ICMT: variants seen among roughly 807,000 people sequenced by gnomAD.
The protein encoded by ICMT is protein-S-isoprenylcysteine O-methyltransferase.
In ICMT, 10 loss-of-function variants were observed where a neutral mutation model predicts 32.2. That is an observed-to-expected ratio of 0.31 (90% confidence interval 0.19 to 0.53). ICMT has a LOEUF of 0.53. Ranked by LOEUF, ICMT falls within the 20% of genes least tolerant of loss-of-function variation. ICMT has a pLI of 0.96. For missense variants in ICMT, 265 were observed against 356.9 expected (o/e 0.74, Z 2.07); for synonymous variants, 183 against 158.2 (o/e 1.16, Z -1.18).
chr1:6,224,775 G>A lies in ICMT; in HGVS notation c.*305C>T, dbSNP rs1668617535. The A allele has an allele frequency of 3.2e-6, 1 of 310,100 alleles. No homozygotes were observed. Among genetic ancestry groups the A allele is most frequent in the Non-Finnish European group, 5.9e-6 (1 of 169,990 alleles). 19.2% of individuals were successfully genotyped at this position (310,100 alleles called of 1,614,324 possible). ...TCCTTTACTTACACTCTGGCCTCGG[G>A]GGCAGTGGCGTGTGGCCTCGGTCCT... On this transcript the variant is annotated 3_prime_UTR_variant, in exon 5 of 5. Coordinates refer to ENST00000343813, the MANE Select transcript of ICMT (RefSeq NM_012405.4).
chr1:6,224,912 C>G lies in ICMT; in HGVS notation c.*168G>C, dbSNP rs980529161. On this transcript the variant is annotated 3_prime_UTR_variant, in exon 5 of 5. Coordinates refer to ENST00000343813, the MANE Select transcript of ICMT (RefSeq NM_012405.4). ...ATAAGGACAGACTGCTCCAGTGGGG[C>G]CTTGGGTCCTCAGGCCTTCTGACCG... 3.0e-6 allele frequency: 2 copies of G among 674,740 alleles called. No individual in the cohort carries two copies. The highest frequency in any genetic ancestry group is 3.6e-5 in the African/African-American group (2 of 55,660). 41.8% of individuals were successfully genotyped at this position (674,740 alleles called of 1,614,324 possible).
chr1:6,234,585 T>C, intron 2 of ICMT: 2 of 499,392 alleles, frequency 4.0e-6, no homozygotes, highest in Non-Finnish European at 7.6e-6. Flanking sequence ...ACCGAGGACC[T>C]GCACCCCTTC....
chr1:6,232,647 C>G (rs1282557638), intron 3 of ICMT, among the ~76,000 whole-genome samples: 1 of 152,134 alleles, frequency 6.6e-6, no homozygotes, highest in Non-Finnish European at 1.5e-5. Context: ...CTCCTGGGTT[C>G]AAGCAATTCT....
chr1:6,221,283 C>T lies in ICMT; in HGVS notation c.*3797G>A, dbSNP rs1461714893. ...ATCCAATTTAGAATATTTAAATAAA[C>T]ATTTATGTAAAAAGAAGAGTAGAAT... On this transcript the variant is annotated 3_prime_UTR_variant, in exon 5 of 5. Transcript: ENST00000343813. The T allele has an allele frequency of 3.9e-5, 6 of 152,612 alleles. No individual in the cohort carries two copies. The highest frequency in any genetic ancestry group is 4.4e-5 in the Non-Finnish European group (3 of 68,032). The allele number at this position is 152,612 out of a possible 1,614,324, so 9.5% of individuals were successfully genotyped here. A position where few individuals can be genotyped will look rare whatever the true frequency, so the allele number is the denominator to read the frequency against.
intron 3 of ICMT, among the ~76,000 whole-genome samples, chr1:6,232,387 T>C (rs1668750883): frequency 6.6e-6 from 1 of 152,180 alleles, no homozygotes; most frequent in Non-Finnish European, 1.5e-5. Context: ...ATGGGCTCTC[T>C]GGTTCACGAC....
At chr1:6,234,559 C>T in intron 2 of ICMT, 1 of 481,222 alleles carries the variant, frequency 2.1e-6, no homozygotes, top group Non-Finnish European at 4.0e-6. Flanking sequence ...AAGCCAGAGC[C>T]CTGCCCCTGC....
At chr1:6,232,736 C>T (rs1322759018) in intron 3 of ICMT, among the ~76,000 whole-genome samples, 11 of 152,012 alleles carry the variant, frequency 7.2e-5, no homozygotes, top group Admixed American at 3.3e-4. Flanking sequence ...TTCGTAGAGA[C>T]GGGGTTTTAC....
At chr1:6,234,435 A>G (rs774717563) in intron 2 of ICMT, 1 of 488,648 alleles carries the variant, frequency 2.0e-6, no homozygotes. Context: ...TCCAGGTCAG[A>G]CTAGAAGGCT....
intron 4 of ICMT, among the ~76,000 whole-genome samples, chr1:6,229,232 G>T (rs553238006): frequency 1.3e-5 from 2 of 152,072 alleles, no homozygotes; most frequent in Non-Finnish European, 2.9e-5. Context: ...TAATCCCAAC[G>T]CTTTGGGAGG....
intron 3 of ICMT, 118 bp from the exon 4 acceptor site, chr1:6,232,237 G>A: frequency 1.5e-6 from 1 of 666,448 alleles, no homozygotes. Context: ...TGTGCTGCTG[G>A]GCAATCAGCA....
chr1:6,235,115 T>C, intron 1 of ICMT, 141 bp from the exon 2 acceptor site: 1 of 648,250 alleles, frequency 1.5e-6, no homozygotes, highest in South Asian at 1.8e-5. Context: ...GTGGGCGACC[T>C]GGGTTCAAAT....
Position 6,231,919 on chromosome 1 carries a change from A to G in ICMT, c.655T>C (p.Trp219Arg), listed in dbSNP as rs1428383895. ...TATTATACCTGAGTTCCAATACTCCAGTAAAACCACCCGACGTAAGAAGGA... is the reference window on the plus strand; with the variant it reads ...TATTATACCTGAGTTCCAATACTCCGGTAAAACCACCCGACGTAAGAAGGA... ...RHPSYVGWFY[W>R]SIGTQVMLCN... The change falls in exon 4 of 5, where the codon TGG becomes CGG. Residue 219 changes from tryptophan to arginine, a missense_variant. Transcript: ENST00000343813. 6.3e-7 allele frequency: 1 copy of G among 1,589,076 alleles called. No homozygotes were observed. Among genetic ancestry groups the G allele is most frequent in the Admixed American group, 1.7e-5 (1 of 58,988 alleles).
chr1:6,226,922 C>G (rs368932290), intron 4 of ICMT, among the ~76,000 whole-genome samples: 2 of 152,168 alleles, frequency 1.3e-5, no homozygotes, highest in Non-Finnish European at 2.9e-5. Context: ...CAGTGAATGT[C>G]AGAATCAGGA....
intron 4 of ICMT, among the ~76,000 whole-genome samples, chr1:6,230,767 T>C (rs887807487): frequency 2.6e-5 from 4 of 151,378 alleles, no homozygotes; most frequent in Non-Finnish European, 4.4e-5. Flanking sequence ...CGGGCGCCTG[T>C]AGTCCCAGCT....
chr1:6,234,936 G>A lies in ICMT; in HGVS notation c.234C>T (p.Gly78=). 1 of 1,614,040 alleles carries A rather than the reference G, an allele frequency of 6.2e-7. No homozygotes were observed. ...IRACFLGFVF[G]CGTLLSFSQS... ...GGCTAAAACTTAGCAGCGTGCCGCA[G>A]CCGAACACAAACCCCAGGAAACAAG... The change falls in exon 2 of 5, where the codon GGC becomes GGT. Residue 78 remains glycine, a synonymous_variant. Coordinates refer to ENST00000343813, the MANE Select transcript of ICMT (RefSeq NM_012405.4).
Position 6,235,701 on chromosome 1 carries a change from C to G in ICMT, c.195+16G>C. On this transcript the variant is annotated intron_variant, in intron 1 of 4. Transcript: ENST00000343813. ...GCCCGCCCCGCCGGCCCCCGCCGGC[C>G]CCCGCCGGCCTGCACCTGGTAGCGA... 1 of 1,184,288 alleles carries G rather than the reference C, an allele frequency of 8.4e-7. No individual in the cohort carries two copies. Among genetic ancestry groups the G allele is most frequent in the African/African-American group, 1.6e-5 (1 of 61,608 alleles). 73.4% of individuals were successfully genotyped at this position (1,184,288 alleles called of 1,614,324 possible). A position where few individuals can be genotyped will look rare whatever the true frequency, so the allele number is the denominator to read the frequency against.
chr1:6,225,160 A>G lies in ICMT; in HGVS notation c.775T>C (p.Phe259Leu). The G allele has an allele frequency of 4.3e-6, 7 of 1,614,130 alleles. No individual in the cohort carries two copies. The highest frequency in any genetic ancestry group is 5.9e-6 in the Non-Finnish European group (7 of 1,180,008). The part of the protein sequence containing the change: ...EEEEISLIHF[F>L]GEEYLEYKKR... ...TTATACTCCAGGTACTCCTCTCCAA[A>G]AAAGTGAATTAGTGAGATTTCTTCT... is the stretch of plus-strand genomic sequence containing the variant. The change falls in exon 5 of 5, where the codon TTT (phenylalanine) becomes CTT (leucine). Residue 259 changes from phenylalanine (F) to leucine (L), a missense_variant. Physicochemically the swap from Phe to Leu is conservative, Grantham distance 22. Around this residue, in one of 2 missense-constraint regions of ICMT, gnomAD observed 166 missense variants for 264.3 expected, o/e 0.63. Transcript: ENST00000343813.
At chr1:6,235,530 A>C (rs1668809075) in intron 1 of ICMT, among the ~76,000 whole-genome samples, 187 bp downstream of exon 1, 1 of 151,996 alleles carries the variant, frequency 6.6e-6, no homozygotes. Flanking sequence ...CAATTTAACA[A>C]CCCACTCCTC....
chr1:6,234,371 C>G, intron 2 of ICMT: 2 of 418,498 alleles, frequency 4.8e-6, no homozygotes, highest in Non-Finnish European at 9.4e-6. Context: ...TTAGATGGCT[C>G]AAAATATTGA....
Sources: gnomAD v4.1 joint callset for allele counts (sites outside exome capture counted in the v4.1 genomes callset) on GRCh38, gnomAD v4.1.1 for gene constraint, gnomAD v4.1.1 regional missense constraint, MANE v1.5 for transcripts, NCBI Gene and HGNC (gene_info 2026-07-23, HGNC 2026-07-21) for gene names.